Variants in CCDC7 observed in about 807,000 individuals in gnomAD.
CCDC7 encodes the protein coiled-coil domain-containing protein 7.
In CCDC7, 183 loss-of-function variants were observed where a neutral mutation model predicts 196.9. The ratio of observed to expected loss-of-function variants is 0.93; its 90% confidence interval spans 0.82 to 1.05. The LOEUF is 1.05. CCDC7 is among the 50% of genes least tolerant of loss of function. CCDC7 has a pLI of 0.00. For synonymous variants in CCDC7, 525 were observed against 484.6 expected, an observed-to-expected ratio of 1.08 and a Z score of -1.10; for missense variants, 1,540 against 1,482.2, an observed-to-expected ratio of 1.04 and a Z score of -0.64.
At chr10:32,725,513 A>G in intron 25 of CCDC7, 4 of 414,420 alleles carry the variant, frequency 9.7e-6, no homozygotes, top group South Asian at 5.4e-5. Flanking sequence ...TATTTTTAGA[A>G]TATTGTGTTC....
At chr10:32,779,256 G>A (rs370511091) in intron 29 of CCDC7, among the ~76,000 whole-genome samples, 172 bp downstream of exon 30, 7 of 152,092 alleles carry the variant, frequency 4.6e-5, no homozygotes, top group African/African-American at 1.4e-4. Context: ...TTTAAATTTC[G>A]TGTTTTTACT....
upstream of CCDC7, chr10:32,451,590 AG>A: frequency 1.3e-6 from 2 of 1,520,298 alleles, no homozygotes; most frequent in Non-Finnish European, 1.8e-6. Flanking sequence ...TTTTTTTCAC[AG>A]GGAGGAATAA....
chr10:32,531,773 T>C (rs1484271270), intron 11 of CCDC7, among the ~76,000 whole-genome samples: 2 of 152,226 alleles, frequency 1.3e-5, no homozygotes, highest in Non-Finnish European at 2.9e-5. Flanking sequence ...CATGGTTCAA[T>C]CTTGGTAGGT....
intron 15 of CCDC7, among the ~76,000 whole-genome samples, chr10:32,569,306 G>A (rs543873644): frequency 1.3e-5 from 2 of 152,304 alleles, no homozygotes; most frequent in Non-Finnish European, 2.9e-5. Flanking sequence ...CATTGTCCAT[G>A]TTCTTATAGT....
intron 8 of CCDC7, among the ~76,000 whole-genome samples, chr10:32,485,250 C>T (rs1442849361): frequency 6.6e-6 from 1 of 152,208 alleles, no homozygotes; most frequent in Non-Finnish European, 1.5e-5. Context: ...GGAATTTATC[C>T]ATTTCTTCTA....
At chr10:32,450,737 A>G (rs150146015), upstream of CCDC7, among the ~76,000 whole-genome samples, 1,003 of 152,276 alleles carry the variant, frequency 6.6e-3, 8 homozygotes, top group African/African-American at 0.022. Context: ...GGCCAAGGCT[A>G]CTGCTCCTGT....
intron 24 of CCDC7, among the ~76,000 whole-genome samples, chr10:32,704,962 G>A (rs568299152): frequency 4.0e-4 from 61 of 152,228 alleles, no homozygotes; most frequent in African/African-American, 8.4e-4. Flanking sequence ...TGCACTTCCC[G>A]GGTGAGGCGA....
intron 13 of CCDC7, among the ~76,000 whole-genome samples, chr10:32,565,041 C>G (rs1006711867): frequency 1.3e-5 from 2 of 152,152 alleles, no homozygotes; most frequent in African/African-American, 4.8e-5. Flanking sequence ...ATTGTTGATA[C>G]TTGTATTTAG....
chr10:32,731,677 C>A (rs1399108486), intron 28 of CCDC7, among the ~76,000 whole-genome samples: 1 of 152,094 alleles, frequency 6.6e-6, no homozygotes, highest in African/African-American at 2.4e-5. Context: ...TTTGCATTTA[C>A]CTTCATGATT....
At chr10:32,758,776 G>A (rs935527200) in intron 28 of CCDC7, among the ~76,000 whole-genome samples, 7 of 152,046 alleles carry the variant, frequency 4.6e-5, no homozygotes, top group African/African-American at 1.7e-4. Flanking sequence ...GAAATAAAGG[G>A]TATTCAATTA....
At chr10:32,534,508 A>G (rs2050165531) in intron 11 of CCDC7, among the ~76,000 whole-genome samples, 1 of 151,376 alleles carries the variant, frequency 6.6e-6, no homozygotes, top group Non-Finnish European at 1.5e-5. Context: ...TTACTTATTT[A>G]TTCCCATTTT....
intron 20 of CCDC7, among the ~76,000 whole-genome samples, chr10:32,638,212 T>C (rs967477915): frequency 4.6e-5 from 7 of 152,316 alleles, no homozygotes; most frequent in East Asian, 3.9e-4. Flanking sequence ...TCTAATTCAA[T>C]ACCCTTTATA....
At chr10:32,861,748 A>C (rs573655796) in intron 41 of CCDC7, among the ~76,000 whole-genome samples, 1 of 152,042 alleles carries the variant, frequency 6.6e-6, no homozygotes, top group African/African-American at 2.4e-5. Context: ...ATCAAAAAGT[A>C]GGCAAAGGAG....
At chr10:32,668,819 T>C (rs1283931337) in intron 21 of CCDC7, among the ~76,000 whole-genome samples, 2 of 151,976 alleles carry the variant, frequency 1.3e-5, no homozygotes, top group Non-Finnish European at 2.9e-5. Context: ...CAGAGTTTTC[T>C]ATATATTGGT....
intron 31 of CCDC7, among the ~76,000 whole-genome samples, chr10:32,821,925 CG>C (rs1176390863): frequency 1.6e-4 from 25 of 151,580 alleles, no homozygotes; most frequent in Middle Eastern, 3.4e-3. Flanking sequence ...CAAACCTGCA[CG>C]TTGTGCACAT....
chr10:32,612,402 C>A (rs991721598), intron 18 of CCDC7, among the ~76,000 whole-genome samples: 27 of 152,056 alleles, frequency 1.8e-4, no homozygotes, highest in African/African-American at 5.8e-4. Flanking sequence ...TATTCGAATA[C>A]CCTTAATTTT....
chr10:32,475,309 T>C (rs1401763793), intron 8 of CCDC7, among the ~76,000 whole-genome samples: 1 of 152,218 alleles, frequency 6.6e-6, no homozygotes, highest in Non-Finnish European at 1.5e-5. Context: ...ACAGGGCCTT[T>C]CCACTTTATT....
At chr10:32,497,373 T>G (rs1402485664) in intron 9 of CCDC7, among the ~76,000 whole-genome samples, 1 of 152,224 alleles carries the variant, frequency 6.6e-6, no homozygotes, top group Non-Finnish European at 1.5e-5. Flanking sequence ...TTGAAGGGCT[T>G]TTTGTGTCTC....
chr10:32,454,660 A>G (rs1398733274), intron 2 of CCDC7, among the ~76,000 whole-genome samples: 1 of 152,198 alleles, frequency 6.6e-6, no homozygotes, highest in Non-Finnish European at 1.5e-5. Context: ...AAATTGAAGA[A>G]ATCAGCCCTT....
Sources: gnomAD v4.1 joint callset for allele counts (sites outside exome capture counted in the v4.1 genomes callset) on GRCh38, gnomAD v4.1.1 for gene constraint, MANE v1.5 for transcripts, NCBI Gene and HGNC (gene_info 2026-07-23, HGNC 2026-07-21) for gene names.